Variants in IPP observed in about 807,000 individuals in gnomAD.
IPP encodes the protein intracisternal A particle-promoted polypeptide, also known as actin-binding protein IPP.
IPP carries 41 observed loss-of-function variants against 64.1 expected under a neutral mutation model. The ratio of observed to expected loss-of-function variants is 0.64; its 90% CI spans 0.50 to 0.83. The LOEUF is 0.83. IPP is among the 40% of genes least tolerant of loss of function. The probability of loss-of-function intolerance (pLI) is 0.00; values close to 1 mark genes in which losing one functional copy is unlikely to be tolerated. For synonymous variants in IPP, 214 were observed against 235.2 expected, an observed-to-expected ratio of 0.91 and a Z score of 0.83; for missense variants, 649 against 703.0, an observed-to-expected ratio of 0.92 and a Z score of 0.87.
chr1:45,741,548 G>A (rs942947072), intron 2 of IPP, among the ~76,000 whole-genome samples: 53 of 151,328 alleles, frequency 3.5e-4, no homozygotes, highest in African/African-American at 1.2e-3. Context: ...ACCAGGTGCA[G>A]TATTAATTGC....
chr1:45,750,370 C>G (rs1351313685), intron 1 of IPP, among the ~76,000 whole-genome samples: 1 of 152,192 alleles, frequency 6.6e-6, no homozygotes, highest in East Asian at 1.9e-4. Context: ...CCTCAGGATT[C>G]CCCAGTTGGG....
chr1:45,728,102 C>T (rs1473239140), intron 4 of IPP, among the ~76,000 whole-genome samples: 1 of 149,162 alleles, frequency 6.7e-6, no homozygotes, highest in Non-Finnish European at 1.5e-5. Context: ...ATGTCTTTTT[C>T]AATTAAAAAT....
At chr1:45,709,571 A>G (rs1338063369) in intron 8 of IPP, among the ~76,000 whole-genome samples, 3 of 151,090 alleles carry the variant, frequency 2.0e-5, no homozygotes, top group Non-Finnish European at 4.4e-5. Flanking sequence ...TCAACTGGGC[A>G]CGGTGGTTCA....
chr1:45,734,168 G>A (rs1181444868), intron 3 of IPP, among the ~76,000 whole-genome samples: 1 of 151,940 alleles, frequency 6.6e-6, no homozygotes, highest in South Asian at 2.1e-4. Context: ...AAATAAAAAT[G>A]CTAATTACCT....
At chr1:45,723,442 T>C (rs1645759982) in intron 5 of IPP, among the ~76,000 whole-genome samples, 1 of 152,200 alleles carries the variant, frequency 6.6e-6, no homozygotes, top group Admixed American at 6.6e-5. Flanking sequence ...TATCAGGGGA[T>C]GGAATACATA....
rs1393118166 is a variant in IPP at position 45,724,556 on chromosome 1, T to A, written c.1048+3075A>T. ...GAGGAGCGCCTCTTCCCCGCCGCCA[T>A]CCCATCTAGGAAGTGAGGAGCGTCT... On this transcript the variant is annotated intron_variant, in intron 5 of 8. Coordinates refer to ENST00000396478, the MANE Select transcript of IPP (RefSeq NM_005897.3). Among the ~76,000 whole-genome samples the A allele has an allele frequency of 7.2e-5, 9 of 124,484 alleles. No individual in the cohort carries two copies. In the East Asian group the frequency reaches 2.2e-3, roughly 31 times the overall value. The allele number at this position is 124,484 out of a possible 152,430, so 81.7% of individuals were successfully genotyped here.
chr1:45,699,646 G>C lies in IPP; in HGVS notation c.*320C>G, dbSNP rs754943650. ...ATATCCATTCTCACTCATATTTTTA[G>C]AAAAATCATTCTTGAGTTTATTTTT... On this transcript the variant is annotated 3_prime_UTR_variant, in exon 9 of 9. Coordinates refer to ENST00000396478, the MANE Select transcript of IPP (RefSeq NM_005897.3). The C allele has an allele frequency of 1.8e-5, 19 of 1,061,454 alleles. No homozygotes were observed. Among genetic ancestry groups the C allele is most frequent in the Non-Finnish European group, 2.1e-5 (18 of 873,966 alleles). 65.8% of individuals were successfully genotyped at this position (1,061,454 alleles called of 1,614,324 possible).
At position 45,741,819 on chromosome 1, in the gene IPP, G is replaced by A. The variant is rs1020050036; in HGVS notation, c.293-487C>T. ...AATTTTTTGTATTTTTAGTAGAGAC[G>A]GGGTTTCACCGTGTTAGCCAAGATG... On this transcript the variant is annotated intron_variant, in intron 2 of 8. Transcript: ENST00000396478. Among the ~76,000 whole-genome samples the A allele has an allele frequency of 6.2e-4, 58 of 93,960 alleles. 9 individuals carry two copies. The highest frequency in any genetic ancestry group is 2.0e-3 in the African/African-American group (56 of 27,762). The allele number at this position is 93,960 out of a possible 152,430, so 61.6% of individuals were successfully genotyped here. A position where few individuals can be genotyped will look rare whatever the true frequency, so the allele number is the denominator to read the frequency against.
chr1:45,712,051 T>C (rs1645597487), intron 8 of IPP, among the ~76,000 whole-genome samples: 1 of 151,750 alleles, frequency 6.6e-6, no homozygotes, highest in Non-Finnish European at 1.5e-5. Flanking sequence ...AGTGGTGGCT[T>C]ACACCTGTAA....
intron 8 of IPP, among the ~76,000 whole-genome samples, chr1:45,712,972 T>C (rs982410162): frequency 6.6e-6 from 1 of 151,544 alleles, no homozygotes; most frequent in Non-Finnish European, 1.5e-5. Flanking sequence ...AATATTTTAA[T>C]ATAAATGCCA....
chr1:45,738,744 G>C (rs947159611), intron 3 of IPP, among the ~76,000 whole-genome samples: 13 of 150,188 alleles, frequency 8.7e-5, no homozygotes, highest in African/African-American at 3.2e-4. Context: ...GGAGGCTGAG[G>C]CAGGAGAATG....
Sources: allele counts gnomAD v4.1 joint callset (sites outside exome capture counted in the v4.1 genomes callset), GRCh38; gene constraint gnomAD v4.1.1; transcripts MANE v1.5; gene names NCBI Gene and HGNC (gene_info 2026-07-23, HGNC 2026-07-21).